The following PTPRU variants were observed in gnomAD, a reference collection of about 807,000 sequenced individuals.
PTPRU encodes receptor-type tyrosine-protein phosphatase U.
In PTPRU, 69 loss-of-function variants were observed where a neutral mutation model predicts 166.3. That is an observed-to-expected ratio of 0.41 (90% CI 0.34 to 0.51). The LOEUF is 0.51. Among genes scored for constraint, PTPRU ranks in the 20% least tolerant of loss-of-function variants. The pLI is 0.09. For synonymous variants in PTPRU, 793 were observed against 814.0 expected (o/e 0.97, Z 0.44); for missense variants, 1,657 against 2,013.7 (o/e 0.82, Z 3.39).
At chr1:29,297,566 T>C (rs1012685303) in intron 15 of PTPRU, among the ~76,000 whole-genome samples, 3 of 151,958 alleles carry the variant, frequency 2.0e-5, no homozygotes, top group African/African-American at 7.3e-5. Flanking sequence ...GGAAAGGGCA[T>C]GTGTAGAGGA....
chr1:29,273,906 C>T (rs557908572), intron 7 of PTPRU, among the ~76,000 whole-genome samples: 2 of 152,324 alleles, frequency 1.3e-5, no homozygotes, highest in Admixed American at 1.3e-4. Flanking sequence ...CCCAGCTTCA[C>T]CACTTACCAT....
Position 29,320,968 on chromosome 1 carries a change from C to A in PTPRU, c.3828+143C>A. 1.0e-6 allele frequency: 1 copy of A among 960,466 alleles called. No individual in the cohort carries two copies. The highest frequency in any genetic ancestry group is 3.3e-5 in the South Asian group (1 of 30,058). The allele number at this position is 960,466 out of a possible 1,614,324, so 59.5% of individuals were successfully genotyped here. ...GATGAATCATACACCTTCCCAGAGCCTCAGTTTCTTCATCTGTAAAACAAG... is the reference window on the plus strand; with the variant it reads ...GATGAATCATACACCTTCCCAGAGCATCAGTTTCTTCATCTGTAAAACAAG... On this transcript the variant is annotated intron_variant, in intron 26 of 29. Coordinates refer to ENST00000373779, the MANE Select transcript of PTPRU (RefSeq NM_133178.4). This position sits in a 1 kb window ranked among gnomAD's most constrained non-coding sequence, Gnocchi z 5.2.
rs1185395326 is a variant in PTPRU at position 29,238,578 on chromosome 1, A to T, written c.73+1861A>T. Among the ~76,000 whole-genome samples the T allele has an allele frequency of 6.6e-6, 1 of 152,070 alleles. No homozygotes were observed. Among genetic ancestry groups the T allele is most frequent in the African/African-American group, 2.4e-5 (1 of 41,426 alleles). On this transcript the variant is annotated intron_variant, in intron 1 of 29. Transcript: ENST00000373779. The surrounding 1 kb of genome is among the most constrained non-coding windows in gnomAD (Gnocchi z 6.1). Reference sequence around the variant, plus strand: ...TGTGGCTCCAGCGTTCGCGCCGGCCACTGGCCAGCGCTTGGGCCTCGCCCT... The same window carrying T: ...TGTGGCTCCAGCGTTCGCGCCGGCCTCTGGCCAGCGCTTGGGCCTCGCCCT...
At chr1:29,313,046 G>C (rs1025026232) in intron 22 of PTPRU, among the ~76,000 whole-genome samples, 6 of 152,182 alleles carry the variant, frequency 3.9e-5, no homozygotes, top group African/African-American at 1.4e-4. Context: ...CCTGCCGCGT[G>C]CTAGGCCTGG....
chr1:29,272,906 C>CAAAAAAAAAAA (rs57076551), intron 7 of PTPRU, among the ~76,000 whole-genome samples: 7 of 54,566 alleles, frequency 1.3e-4, no homozygotes, highest in Non-Finnish European at 1.5e-4. Context: ...GACCTTGTCT[C>CAAAAAAAAAAA]AAAAAAAAAA....
intron 2 of PTPRU, 67 bp from the exon 3 acceptor site, chr1:29,258,438 C>G (rs1684867446): frequency 6.5e-7 from 1 of 1,542,026 alleles, no homozygotes; most frequent in Non-Finnish European, 8.8e-7. Context: ...TCAGTGCTCC[C>G]CTTGCCCTGG....
intron 18 of PTPRU, among the ~76,000 whole-genome samples, chr1:29,308,548 C>T (rs755677212): frequency 8.7e-6 from 1 of 115,474 alleles, no homozygotes; most frequent in Non-Finnish European, 1.6e-5. Context: ...GACTGACCAA[C>T]AGAGCCAGTC....
chr1:29,262,942 A>G (rs1218176269), intron 7 of PTPRU, among the ~76,000 whole-genome samples: 1 of 152,090 alleles, frequency 6.6e-6, no homozygotes, highest in African/African-American at 2.4e-5. Flanking sequence ...ATCATATAAT[A>G]TATAATCTTT....
At chr1:29,268,827 C>T (rs2151948310) in intron 7 of PTPRU, among the ~76,000 whole-genome samples, 1 of 152,212 alleles carries the variant, frequency 6.6e-6, no homozygotes, top group Non-Finnish European at 1.5e-5. Flanking sequence ...AAGCTGAAAC[C>T]CAGAGAGGGG....
chr1:29,314,170 G>A (rs1319473792), intron 22 of PTPRU, among the ~76,000 whole-genome samples: 1 of 152,174 alleles, frequency 6.6e-6, no homozygotes, highest in Non-Finnish European at 1.5e-5. Context: ...CATTTGGGTT[G>A]TTTCCAGTCT....
At chr1:29,282,637 G>A in intron 11 of PTPRU, 39 bp from the exon 12 acceptor site, 1 of 1,581,744 alleles carries the variant, frequency 6.3e-7, no homozygotes, top group Middle Eastern at 2.3e-4. Context: ...CAGTCCTCTG[G>A]CCGCCTGTGA....
At chr1:29,269,246 ATTTTTTTTTTT>A (rs1175870568) in intron 7 of PTPRU, among the ~76,000 whole-genome samples, 8 of 20,584 alleles carry the variant, frequency 3.9e-4, no homozygotes, top group South Asian at 2.6e-3. Context: ...ATATATATAT[ATTTTTTTTTTT>A]TTTTTTTTTT....
intron 15 of PTPRU, among the ~76,000 whole-genome samples, chr1:29,294,742 G>A (rs1046732534): frequency 1.3e-5 from 2 of 152,060 alleles, no homozygotes; most frequent in Non-Finnish European, 2.9e-5. Context: ...ATTTTTGTGT[G>A]TGGTGGTATA....
In PTPRU at chr1:29,311,459, C is replaced by G. The variant is rs779614135; in HGVS notation, c.2861C>G (p.Pro954Arg). The change falls in exon 20 of 30, where the codon CCG becomes CGG. Residue 954 changes from proline to arginine, a missense_variant. Physicochemically the swap from Pro to Arg is moderately radical, Grantham distance 103. Around this residue, in one of 3 missense-constraint regions of PTPRU, gnomAD observed 1,190 missense variants for 1,477.4 expected, o/e 0.81. Coordinates refer to ENST00000373779, the MANE Select transcript of PTPRU (RefSeq NM_133178.4). This position sits in a 1 kb window ranked among gnomAD's most constrained non-coding sequence, Gnocchi z 4.1. ...CACCCTCTGCCTGCATCCCCAGGGC[C>G]GAAGCCTGAGATGGTCTATGACTTC... ...RSNHFIATQGPKPEMVYDFWR... is the reference protein window; with the variant it reads ...RSNHFIATQGRKPEMVYDFWR... 23 of 1,613,958 alleles carry G rather than the reference C, an allele frequency of 1.4e-5. No homozygotes were observed. Among genetic ancestry groups the G allele is most frequent in the Non-Finnish European group, 1.9e-5 (23 of 1,180,024 alleles).
chr1:29,263,671 T>G (rs532550063), intron 7 of PTPRU, among the ~76,000 whole-genome samples: 1 of 152,350 alleles, frequency 6.6e-6, no homozygotes, highest in African/African-American at 2.4e-5. Context: ...ATCTGTCTTC[T>G]TATAAGCACT....
intron 26 of PTPRU, among the ~76,000 whole-genome samples, chr1:29,322,748 G>A (rs1688214342): frequency 6.6e-6 from 1 of 152,128 alleles, no homozygotes; most frequent in Non-Finnish European, 1.5e-5. Flanking sequence ...TAGAAACTGA[G>A]GCTCAGGATA....
At chr1:29,242,580 T>C (rs1684106164) in intron 1 of PTPRU, among the ~76,000 whole-genome samples, 1 of 152,238 alleles carries the variant, frequency 6.6e-6, no homozygotes, top group Non-Finnish European at 1.5e-5. Context: ...ACTAGTCAGA[T>C]TTCAAGTCCT....
intron 26 of PTPRU, among the ~76,000 whole-genome samples, chr1:29,321,155 C>T (rs911143967): frequency 1.3e-5 from 2 of 150,792 alleles, no homozygotes; most frequent in Non-Finnish European, 1.5e-5. Context: ...CTCAGCCTAT[C>T]GAGTAGCTGG....
intron 18 of PTPRU, among the ~76,000 whole-genome samples, chr1:29,308,932 G>A (rs1023264368): frequency 6.6e-6 from 1 of 152,126 alleles, no homozygotes; most frequent in Non-Finnish European, 1.5e-5. Flanking sequence ...GGGAGGTTGA[G>A]GTGGGAGGAT....
Sources: allele counts gnomAD v4.1 joint callset (sites outside exome capture counted in the v4.1 genomes callset), GRCh38; gene constraint gnomAD v4.1.1; regional missense constraint gnomAD v4.1.1; non-coding constraint Gnocchi (gnomAD v3.1); transcripts MANE v1.5; gene names NCBI Gene and HGNC (gene_info 2026-07-23, HGNC 2026-07-21).